Variants in BCAS3 observed in about 807,000 individuals in gnomAD.
The protein encoded by BCAS3 is BCAS4/BCAS3 fusion.
In BCAS3, 53 loss-of-function variants were observed where a neutral mutation model predicts 116.1. The observed-to-expected ratio is 0.46, with a 90% CI of 0.37 to 0.57. BCAS3 has a LOEUF of 0.57. Among genes scored for constraint, BCAS3 ranks in the 20% least tolerant of loss-of-function variants. The pLI is 0.00. For missense variants in BCAS3, 917 were observed against 1,165.4 expected (o/e 0.79, Z 3.10); for synonymous variants, 391 against 408.2 (o/e 0.96, Z 0.51).
intron 16 of BCAS3, among the ~76,000 whole-genome samples, chr17:61,018,976 C>A (rs1288548779): frequency 6.6e-6 from 1 of 152,140 alleles, no homozygotes; most frequent in African/African-American, 2.4e-5. Context: ...TTTATCCCTT[C>A]CTATTAATAT....
chr17:61,153,959 C>T (rs2077686055), intron 22 of BCAS3, among the ~76,000 whole-genome samples: 1 of 152,176 alleles, frequency 6.6e-6, no homozygotes, highest in Non-Finnish European at 1.5e-5. Context: ...TTAAAAGTCT[C>T]ATTGTTTTGG....
intron 6 of BCAS3, among the ~76,000 whole-genome samples, chr17:60,780,278 A>G (rs985144480): frequency 6.8e-6 from 1 of 147,322 alleles, no homozygotes; most frequent in African/African-American, 2.5e-5. Context: ...GTGAGCCACC[A>G]TGCCCTGCCT....
At chr17:61,350,427 A>AATAC (rs2057764148) in intron 22 of BCAS3, among the ~76,000 whole-genome samples, 1 of 149,890 alleles carries the variant, frequency 6.7e-6, no homozygotes, top group Non-Finnish European at 1.5e-5. Flanking sequence ...TAAATAAATA[A>AATAC]ATAAATAAAT....
rs35629825 is a variant in BCAS3, at chr17:61,042,891, C to CAAA, written c.2029+2021_2029+2023dup. 1.6e-3 allele frequency among the ~76,000 whole-genome samples: 92 copies of CAAA among 57,974 alleles called. 2 individuals carry two copies. Among genetic ancestry groups the CAAA allele is most frequent in the Middle Eastern group, 0.011 (1 of 92 alleles). The allele number at this position is 57,974 out of a possible 152,430, so 38.0% of individuals were successfully genotyped here. A position where few individuals can be genotyped will look rare whatever the true frequency, so the allele number is the denominator to read the frequency against. On this transcript the variant is annotated intron_variant, in intron 19 of 23. Transcript: ENST00000407086. The stretch of plus-strand genomic sequence containing the variant: ...GGCAACAGAGCAAGACTCCATCTCA[C>CAAA]AAAAAAAAAAAAAAAAAAAAAAAAG...
chr17:60,777,206 C>T (rs1341539073), intron 6 of BCAS3, among the ~76,000 whole-genome samples: 26 of 152,092 alleles, frequency 1.7e-4, no homozygotes, highest in Admixed American at 1.7e-3. Flanking sequence ...TGGTGTCTTT[C>T]CCATCACCAC....
At chr17:61,121,870 C>CCA (rs2075810042) in intron 22 of BCAS3, among the ~76,000 whole-genome samples, 1 of 152,184 alleles carries the variant, frequency 6.6e-6, no homozygotes, top group Non-Finnish European at 1.5e-5. Context: ...GCTGGGATTA[C>CCA]AGGCGCCTGC....
Position 60,956,326 on chromosome 17 carries a change from G to C in BCAS3, c.1221+8974G>C, listed in dbSNP as rs973366487. Among the ~76,000 whole-genome samples, 3 of 151,946 alleles carry C rather than the reference G, an allele frequency of 2.0e-5. No individual in the cohort carries two copies. Among genetic ancestry groups the C allele is most frequent in the Non-Finnish European group, 4.4e-5 (3 of 67,980 alleles). ...TTAAGTTTAATTATTATTTGTTTTT[G>C]TCTCTTTTGTATGGAAGTTTTAAAT... On this transcript the variant is annotated intron_variant, in intron 14 of 23. Transcript: ENST00000407086. This position sits in a 1 kb window ranked among gnomAD's most constrained non-coding sequence, Gnocchi z 4.2.
chr17:61,322,838 G>GAGAGAGAGAGAGAGAGAC (rs1568850727), intron 22 of BCAS3, among the ~76,000 whole-genome samples: 1 of 139,134 alleles, frequency 7.2e-6, no homozygotes, highest in African/African-American at 3.1e-5. Context: ...GACAGAGAGA[G>GAGAGAGAGAGAGAGAGAC]AGAGAGAGAG....
intron 22 of BCAS3, among the ~76,000 whole-genome samples, chr17:61,330,979 C>T (rs1215833713): frequency 6.6e-6 from 1 of 152,214 alleles, no homozygotes; most frequent in Non-Finnish European, 1.5e-5. Context: ...CCTCTCTGGG[C>T]GGTGAGTGTG....
At chr17:61,089,210 A>G (rs1454867329) in intron 22 of BCAS3, among the ~76,000 whole-genome samples, 1 of 152,190 alleles carries the variant, frequency 6.6e-6, no homozygotes, top group Non-Finnish European at 1.5e-5. Context: ...GAAGAAAATT[A>G]CACACTTAAA....
intron 10 of BCAS3, among the ~76,000 whole-genome samples, chr17:60,891,970 G>A (rs914341885): frequency 1.1e-4 from 16 of 152,174 alleles, no homozygotes; most frequent in African/African-American, 3.4e-4. Context: ...TTGCTGCAAA[G>A]GACATGATTT....
At chr17:61,096,226 T>C (rs997375853) in intron 22 of BCAS3, among the ~76,000 whole-genome samples, 3 of 152,350 alleles carry the variant, frequency 2.0e-5, no homozygotes, top group Non-Finnish European at 2.9e-5. Context: ...GTCTTACACA[T>C]CTTATATAAA....
intron 10 of BCAS3, among the ~76,000 whole-genome samples, chr17:60,896,355 T>C (rs139711849): frequency 2.0e-5 from 3 of 152,256 alleles, no homozygotes; most frequent in East Asian, 3.9e-4. Context: ...TTAAATCCAA[T>C]GTTTCTTTGT....
rs1050775304 is a variant in BCAS3, at chr17:61,189,102, GAAAAC to G, written c.2425+104553_2425+104557del. Among the ~76,000 whole-genome samples the G allele has an allele frequency of 2.6e-5, 4 of 151,942 alleles. No homozygotes were observed. Among genetic ancestry groups the G allele is most frequent in the Non-Finnish European group, 4.4e-5 (3 of 67,964 alleles). ...TGGGTGACAAAACAAGACCCTGCCT[GAAAAC>G]AAAACAAAACAAAAAAAGAGAGAGA... On this transcript the variant is annotated intron_variant, in intron 22 of 23. Transcript: ENST00000407086. This position sits in a 1 kb window ranked among gnomAD's most constrained non-coding sequence, Gnocchi z 4.5.
At position 60,863,073 on chromosome 17, in the gene BCAS3, A is replaced by G. The variant is rs566874651; in HGVS notation, c.477-5503A>G. On this transcript the variant is annotated intron_variant, in intron 7 of 23. Transcript: ENST00000407086. ...TTTTTGCTATTATATTTTTAGACTTATGATCCATTTTGAGTTTGTTTTTGG... is the reference window on the plus strand; with the variant it reads ...TTTTTGCTATTATATTTTTAGACTTGTGATCCATTTTGAGTTTGTTTTTGG... Among the ~76,000 whole-genome samples the G allele has an allele frequency of 7.9e-5, 12 of 152,254 alleles. No homozygotes were observed. In the South Asian group the frequency reaches 2.5e-3, roughly 32 times the overall value.
chr17:61,324,119 A>T lies in BCAS3; in HGVS notation c.2426-44208A>T, dbSNP rs1046229712. On this transcript the variant is annotated intron_variant, in intron 22 of 23. Transcript: ENST00000407086. The surrounding 1 kb of genome is among the most constrained non-coding windows in gnomAD (Gnocchi z 4.6). Reference sequence around the variant, plus strand: ...CACTTAGCACATGGGACATACTGGGACTCTTCCCATCAGGCTGCAAACTCC... The same window carrying T: ...CACTTAGCACATGGGACATACTGGGTCTCTTCCCATCAGGCTGCAAACTCC... 1.3e-5 allele frequency among the ~76,000 whole-genome samples: 2 copies of T among 151,342 alleles called. No individual in the cohort carries two copies. Among genetic ancestry groups the T allele is most frequent in the African/African-American group, 4.9e-5 (2 of 41,106 alleles).
chr17:60,745,732 T>C (rs574037337), intron 5 of BCAS3, among the ~76,000 whole-genome samples: 1 of 152,250 alleles, frequency 6.6e-6, no homozygotes, highest in South Asian at 2.1e-4. Flanking sequence ...GGTGGTGCTA[T>C]TGTTGCACAG....
intron 7 of BCAS3, among the ~76,000 whole-genome samples, chr17:60,812,515 A>T (rs2048929724): frequency 6.6e-6 from 1 of 152,146 alleles, no homozygotes; most frequent in South Asian, 2.1e-4. Context: ...GAGATGTGAT[A>T]GTTTTGTAAC....
intron 4 of BCAS3, among the ~76,000 whole-genome samples, chr17:60,708,491 T>C (rs2037459021): frequency 6.6e-6 from 1 of 152,074 alleles, no homozygotes; most frequent in Admixed American, 6.6e-5. Context: ...CCAGAGTATC[T>C]AGTACTGTAA....
Sources: allele counts gnomAD v4.1 joint callset (sites outside exome capture counted in the v4.1 genomes callset), GRCh38; gene constraint gnomAD v4.1.1; non-coding constraint Gnocchi (gnomAD v3.1); transcripts MANE v1.5; gene names NCBI Gene and HGNC (gene_info 2026-07-23, HGNC 2026-07-21).